Variants in PPM1L observed in about 807,000 individuals in gnomAD.
PPM1L encodes protein phosphatase 1L.
In PPM1L, 13 loss-of-function variants were observed where a neutral mutation model predicts 31.4. The observed-to-expected ratio is 0.41, with a 90% confidence interval of 0.27 to 0.66. The LOEUF is 0.66. Among genes scored for constraint, PPM1L ranks in the 30% least tolerant of loss-of-function variants. PPM1L has a pLI of 0.29. For missense variants in PPM1L, 326 were observed against 453.7 expected, an observed-to-expected ratio of 0.72 and a Z score of 2.56; for synonymous variants, 184 against 175.4, an observed-to-expected ratio of 1.05 and a Z score of -0.39.
chr3:160,878,129 C>T (rs1448528153), intron 1 of PPM1L, among the ~76,000 whole-genome samples: 3 of 152,200 alleles, frequency 2.0e-5, no homozygotes, highest in African/African-American at 7.2e-5. Flanking sequence ...ACCATCTCCA[C>T]CCTGCAGGCC....
In PPM1L at chr3:160,919,294, C is replaced by T. The variant is rs181757364; in HGVS notation, c.400-42442C>T. On this transcript the variant is annotated intron_variant, in intron 1 of 3. Transcript: ENST00000498165. ...CCTCTCCATCTGGCCTCTGTGACAA[C>T]TATGTTCTTCTACTTTTTCATTTAT... Among the ~76,000 whole-genome samples, 338 of 152,256 alleles carry T rather than the reference C, an allele frequency of 2.2e-3. 1 individual carries two copies. The highest frequency in any genetic ancestry group is 7.7e-3 in the African/African-American group (318 of 41,542).
intron 2 of PPM1L, among the ~76,000 whole-genome samples, chr3:160,975,992 A>G (rs373232804): frequency 1.4e-3 from 197 of 145,288 alleles, no homozygotes; most frequent in Non-Finnish European, 2.3e-3. Flanking sequence ...CCCATTCAGT[A>G]TGATATTGGC....
Position 161,065,300 on chromosome 3 carries a change from G to A in PPM1L, c.575-103G>A, listed in dbSNP as rs554430134. ...GTGGCTGGAGTCAAATTCTCACCCA[G>A]CAGAAGCAATTTTAATGACTGAAGA... On this transcript the variant is annotated intron_variant, in intron 2 of 3. Coordinates refer to ENST00000498165, the MANE Select transcript of PPM1L (RefSeq NM_139245.4). The A allele has an allele frequency of 2.6e-6, 3 of 1,166,518 alleles. No individual in the cohort carries two copies. In the East Asian group the frequency reaches 7.2e-5, roughly 28 times the overall value. 72.3% of individuals were successfully genotyped at this position (1,166,518 alleles called of 1,614,324 possible). A position where few individuals can be genotyped will look rare whatever the true frequency, so the allele number is the denominator to read the frequency against.
chr3:160,916,148 G>T lies in PPM1L; in HGVS notation c.400-45588G>T, dbSNP rs531250236. Among the ~76,000 whole-genome samples, 101 of 152,130 alleles carry T rather than the reference G, an allele frequency of 6.6e-4. 2 individuals carry two copies. In the South Asian group the frequency reaches 0.021, roughly 31 times the overall value. Reference sequence around the variant, plus strand: ...ACCTACAGAATGGGAGAAAATTTTTGCAACCTACTCATCTGACAAAGGGCT... The same window carrying T: ...ACCTACAGAATGGGAGAAAATTTTTTCAACCTACTCATCTGACAAAGGGCT... On this transcript the variant is annotated intron_variant, in intron 1 of 3. Transcript: ENST00000498165.
chr3:161,034,692 G>C (rs1163441215), intron 2 of PPM1L, among the ~76,000 whole-genome samples: 8 of 151,706 alleles, frequency 5.3e-5, no homozygotes, highest in Non-Finnish European at 1.2e-4. Flanking sequence ...GGGCCTGTCG[G>C]GGGGGTGGAG....
intron 1 of PPM1L, among the ~76,000 whole-genome samples, chr3:160,781,631 T>C (rs1428562745): frequency 1.3e-5 from 2 of 152,100 alleles, no homozygotes; most frequent in Non-Finnish European, 1.5e-5. Flanking sequence ...TTTCCTGCAA[T>C]AGGAGAGATG....
intron 1 of PPM1L, among the ~76,000 whole-genome samples, chr3:160,886,047 C>T (rs2108041791): frequency 6.6e-6 from 1 of 152,352 alleles, no homozygotes; most frequent in East Asian, 1.9e-4. Context: ...TGGCTTGGTC[C>T]CAAAAGGTGT....
At chr3:160,933,757 C>G (rs6796612) in intron 1 of PPM1L, among the ~76,000 whole-genome samples, 116,895 of 151,944 alleles carry the variant, frequency 0.77, 45,855 homozygotes, top group Middle Eastern at 0.88. Context: ...AACCTTTCTT[C>G]CTGTCTTTAT....
chr3:161,029,731 C>T (rs887448845), intron 2 of PPM1L, among the ~76,000 whole-genome samples: 1 of 152,152 alleles, frequency 6.6e-6, no homozygotes, highest in Non-Finnish European at 1.5e-5. Context: ...ACCTACCCCT[C>T]TACTGTCACC....
chr3:160,862,392 A>G (rs1315325916), intron 1 of PPM1L, among the ~76,000 whole-genome samples: 5 of 152,114 alleles, frequency 3.3e-5, no homozygotes, highest in Non-Finnish European at 7.3e-5. Flanking sequence ...AGGCACTGAA[A>G]TGCTAGCAAA....
At chr3:161,064,912 C>T (rs1719678351) in intron 2 of PPM1L, among the ~76,000 whole-genome samples, 1 of 152,006 alleles carries the variant, frequency 6.6e-6, no homozygotes, top group African/African-American at 2.4e-5. Context: ...GCAAGCTCAA[C>T]CTGTCCTGAC....
intron 2 of PPM1L, among the ~76,000 whole-genome samples, chr3:161,051,464 A>C (rs1719278747): frequency 6.6e-6 from 1 of 152,046 alleles, no homozygotes; most frequent in Non-Finnish European, 1.5e-5. Flanking sequence ...AAAGAGGGTC[A>C]TCTTCATTCA....
intron 2 of PPM1L, among the ~76,000 whole-genome samples, chr3:161,020,450 A>G (rs141797541): frequency 4.6e-5 from 7 of 152,324 alleles, no homozygotes; most frequent in Non-Finnish European, 1.0e-4. Flanking sequence ...TCAGAGAAGC[A>G]TTTCAGAGAA....
intron 2 of PPM1L, among the ~76,000 whole-genome samples, chr3:160,976,912 C>G (rs566718402): frequency 6.6e-6 from 1 of 152,300 alleles, no homozygotes; most frequent in South Asian, 2.1e-4. Context: ...TTGCCTTCAG[C>G]TAGCTTTTGA....
At chr3:160,793,193 A>C (rs966716502) in intron 1 of PPM1L, among the ~76,000 whole-genome samples, 1 of 152,148 alleles carries the variant, frequency 6.6e-6, no homozygotes, top group Non-Finnish European at 1.5e-5. Flanking sequence ...TGCTGCCCAC[A>C]CTTAGGTCTT....
At chr3:161,041,366 C>T (rs1718898569) in intron 2 of PPM1L, among the ~76,000 whole-genome samples, 1 of 152,208 alleles carries the variant, frequency 6.6e-6, no homozygotes, top group Non-Finnish European at 1.5e-5. Context: ...TGCACCCTGA[C>T]CACCTTGGGC....
At chr3:160,981,822 G>A (rs1559912792) in intron 2 of PPM1L, among the ~76,000 whole-genome samples, 2 of 151,402 alleles carry the variant, frequency 1.3e-5, no homozygotes, top group Admixed American at 6.6e-5. Context: ...GAGTACAATG[G>A]CAGGATCTCA....
At chr3:160,885,506 C>T (rs977388542) in intron 1 of PPM1L, among the ~76,000 whole-genome samples, 1 of 152,208 alleles carries the variant, frequency 6.6e-6, no homozygotes, top group African/African-American at 2.4e-5. Flanking sequence ...GAATCCTTCA[C>T]TGGCAACCAA....
chr3:160,939,397 C>A (rs1036827938), intron 1 of PPM1L, among the ~76,000 whole-genome samples: 7 of 152,198 alleles, frequency 4.6e-5, no homozygotes. Flanking sequence ...CAACTCCTTA[C>A]ATCCCTCAAA....
Sources: gnomAD v4.1 joint callset for allele counts (sites outside exome capture counted in the v4.1 genomes callset) on GRCh38, gnomAD v4.1.1 for gene constraint, MANE v1.5 for transcripts, NCBI Gene and HGNC (gene_info 2026-07-23, HGNC 2026-07-21) for gene names.